The following LRPPRC variants were observed in gnomAD, a reference collection of about 807,000 sequenced individuals.
The protein encoded by LRPPRC is leucine rich pentatricopeptide repeat containing, also known as leucine-rich PPR motif-containing protein, mitochondrial.
LRPPRC carries 120 observed loss-of-function variants against 180.3 expected under a neutral mutation model. That is an observed-to-expected ratio of 0.67 (90% confidence interval 0.57 to 0.77). LRPPRC has a LOEUF of 0.77. LRPPRC is among the 30% of genes least tolerant of loss of function. LRPPRC has a pLI of 0.00. For missense variants in LRPPRC, 2,012 were observed against 1,657.2 expected (o/e 1.21, Z -3.72); for synonymous variants, 723 against 600.0 (o/e 1.21, Z -3.00).
intron 1 of LRPPRC, among the ~76,000 whole-genome samples, chr2:43,985,588 C>T (rs1409913826): frequency 6.6e-6 from 1 of 152,210 alleles, no homozygotes. Flanking sequence ...ATACAGCATG[C>T]TGCCCTTTCA....
chr2:43,916,872 G>A (rs184110468), intron 29 of LRPPRC, among the ~76,000 whole-genome samples: 3 of 148,116 alleles, frequency 2.0e-5, no homozygotes, highest in Admixed American at 6.9e-5. Context: ...TTAAGCCCAC[G>A]AGGCGGGGGC....
At chr2:43,952,877 C>A (rs1672959333) in intron 14 of LRPPRC, among the ~76,000 whole-genome samples, 1 of 152,202 alleles carries the variant, frequency 6.6e-6, no homozygotes, top group Admixed American at 6.5e-5. Context: ...CTTTGAATAT[C>A]TGTCAATCTT....
intron 7 of LRPPRC, 104 bp from the exon 8 acceptor site, chr2:43,974,862 C>A (rs184625732): frequency 1.6e-6 from 2 of 1,213,430 alleles, no homozygotes; most frequent in African/African-American, 3.0e-5. Context: ...AAAAATACCA[C>A]CTAAAGGTTT....
At chr2:43,977,781 C>T (rs574766921) in intron 3 of LRPPRC, among the ~76,000 whole-genome samples, 2 of 152,074 alleles carry the variant, frequency 1.3e-5, no homozygotes, top group African/African-American at 4.8e-5. Flanking sequence ...TATCTGTATT[C>T]TAATGACCTT....
chr2:43,956,754 G>A (rs961099425), intron 14 of LRPPRC, among the ~76,000 whole-genome samples: 38 of 152,108 alleles, frequency 2.5e-4, no homozygotes, highest in African/African-American at 8.9e-4. Context: ...GCCAGGCGTG[G>A]TGGTGGGCAC....
chr2:43,907,960 T>G (rs948279141), intron 30 of LRPPRC, among the ~76,000 whole-genome samples: 6 of 152,190 alleles, frequency 3.9e-5, no homozygotes, highest in African/African-American at 1.4e-4. Context: ...TGTAAAAATA[T>G]AGGCATGAGA....
chr2:43,938,474 T>C (rs944934674), intron 23 of LRPPRC, among the ~76,000 whole-genome samples: 3 of 152,200 alleles, frequency 2.0e-5, no homozygotes, highest in African/African-American at 2.4e-5. Context: ...TTAACTTGAA[T>C]AGACTCACTT....
chr2:43,995,328 C>G (rs927617987), intron 1 of LRPPRC, among the ~76,000 whole-genome samples: 3 of 152,218 alleles, frequency 2.0e-5, no homozygotes, highest in Non-Finnish European at 4.4e-5. Flanking sequence ...CCGTGGCTCA[C>G]CCAAACTCCC....
intron 14 of LRPPRC, among the ~76,000 whole-genome samples, chr2:43,956,219 G>C (rs1021799526): frequency 6.6e-6 from 1 of 152,122 alleles, no homozygotes; most frequent in African/African-American, 2.4e-5. Flanking sequence ...ATAAAGAGAT[G>C]TAGCAATCAA....
chr2:43,911,896 CTA>C (rs1671275571), intron 30 of LRPPRC, among the ~76,000 whole-genome samples: 2 of 152,020 alleles, frequency 1.3e-5, no homozygotes, highest in African/African-American at 2.4e-5. Flanking sequence ...TGTTCAGTAC[CTA>C]TGTTTTCTCT....
Position 43,960,591 on chromosome 2 carries a change from C to T in LRPPRC, c.1532G>A (p.Gly511Glu). ...CCCATTTGCTGCTTCACTTCTCAATCCAGCTTGAGAAAACATATCACTATC... is the reference window on the plus strand; with the variant it reads ...CCCATTTGCTGCTTCACTTCTCAATTCAGCTTGAGAAAACATATCACTATC... ...LSDSDMFSQA[G>E]LRSEAANGNL... is the part of the protein sequence containing the mutation. Residue 511 changes from glycine to glutamate, a missense_variant, in exon 13 of 38, where the codon GGA becomes GAA. Transcript: ENST00000260665. The T allele has an allele frequency of 2.5e-6, 4 of 1,607,452 alleles. No individual in the cohort carries two copies. The highest frequency in any genetic ancestry group is 3.4e-6 in the Non-Finnish European group (4 of 1,175,144).
Position 43,947,341 on chromosome 2 carries a change from C to G in LRPPRC, c.1995G>C (p.Glu665Asp), listed in dbSNP as rs1470239666. Residue 665 changes from glutamate (E) to aspartate (D), a missense_variant, in exon 20 of 38, where the codon GAG (glutamate) becomes GAC (aspartate). Coordinates refer to ENST00000260665, the MANE Select transcript of LRPPRC (RefSeq NM_133259.4). ...CAGCTTTTAGTGTTTCAAGTGTGGACTCCAATTCAGATGATGTAAGTTGCA... is the reference window on the plus strand; with the variant it reads ...CAGCTTTTAGTGTTTCAAGTGTGGAGTCCAATTCAGATGATGTAAGTTGCA... Reference protein sequence around the residue: ...KTVQLTSSELESTLETLKAEN... With the variant: ...KTVQLTSSELDSTLETLKAEN... 1 of 1,599,996 alleles carries G rather than the reference C, an allele frequency of 6.3e-7. No individual in the cohort carries two copies.
chr2:43,996,028 G>C (rs1051423217), upstream of LRPPRC: 3 of 1,440,956 alleles, frequency 2.1e-6, no homozygotes, highest in Non-Finnish European at 2.8e-6. Flanking sequence ...GCCTGGCGCG[G>C]CAGAGACCAA....
Position 43,995,036 on chromosome 2 carries a change from T to C in LRPPRC, c.149+763A>G, listed in dbSNP as rs1351712366. ...CAGGAGGATCGCTTGAAGTCAGGAG[T>C]TCGAGACTAGCGTGGCCAACATGGT... On this transcript the variant is annotated intron_variant, in intron 1 of 37. Coordinates refer to ENST00000260665, the MANE Select transcript of LRPPRC (RefSeq NM_133259.4). 2.0e-5 allele frequency among the ~76,000 whole-genome samples: 3 copies of C among 151,488 alleles called. No homozygotes were observed. In the East Asian group the frequency reaches 5.8e-4, roughly 29 times the overall value.
chr2:43,938,612 G>A lies in LRPPRC; in HGVS notation c.2505-3734C>T, dbSNP rs528338837. Among the ~76,000 whole-genome samples, 17 of 152,196 alleles carry A rather than the reference G, an allele frequency of 1.1e-4. No homozygotes were observed. The East Asian group carries it at 1.2e-3, about 10-fold the overall frequency. Reference sequence around the variant, plus strand: ...GAACATCCCGATAAATAAGCTTGAAGCTCCGATGGCAAATCTGATAGTACC... The same window carrying A: ...GAACATCCCGATAAATAAGCTTGAAACTCCGATGGCAAATCTGATAGTACC... On this transcript the variant is annotated intron_variant, in intron 23 of 37. Transcript: ENST00000260665.
intron 25 of LRPPRC, among the ~76,000 whole-genome samples, chr2:43,927,658 T>TA (rs1200625065): frequency 6.6e-6 from 1 of 152,234 alleles, no homozygotes; most frequent in African/African-American, 2.4e-5. Context: ...TACGGTCACT[T>TA]ACAACTTTCA....
At chr2:43,941,837 T>TAAA (rs35278650) in intron 23 of LRPPRC, among the ~76,000 whole-genome samples, 14 of 92,820 alleles carry the variant, frequency 1.5e-4, no homozygotes, top group African/African-American at 5.1e-4. Flanking sequence ...CAAAGTAGTC[T>TAAA]AAAAAAAAAA....
chr2:43,897,581 A>G (rs192896419), intron 34 of LRPPRC, among the ~76,000 whole-genome samples: 1 of 152,304 alleles, frequency 6.6e-6, no homozygotes, highest in Non-Finnish European at 1.5e-5. Flanking sequence ...CTGTTTGACA[A>G]GCAGGTAAAG....
rs184151548 is a variant in LRPPRC at position 43,910,390 on chromosome 2, A to C, written c.3275+2042T>G. Among the ~76,000 whole-genome samples the C allele has an allele frequency of 3.3e-5, 5 of 152,154 alleles. No individual in the cohort carries two copies. The East Asian group carries it at 9.7e-4, about 29-fold the overall frequency. ...GCTGGGATTACAGGCGCCTGCCACC[A>C]CACACGGCTAATTTTTATATTTTTA... On this transcript the variant is annotated intron_variant, in intron 30 of 37. Coordinates refer to ENST00000260665, the MANE Select transcript of LRPPRC (RefSeq NM_133259.4).
Sources: allele counts gnomAD v4.1 joint callset (sites outside exome capture counted in the v4.1 genomes callset), GRCh38; gene constraint gnomAD v4.1.1; transcripts MANE v1.5; gene names NCBI Gene and HGNC (gene_info 2026-07-23, HGNC 2026-07-21).